Variants in CLMN observed in about 807,000 individuals in gnomAD.
The protein encoded by CLMN is calmin, also known as calmin (calponin-like, transmembrane).
In CLMN, 57 loss-of-function variants were observed where a neutral mutation model predicts 92.7. The ratio of observed to expected loss-of-function variants is 0.61; its 90% CI spans 0.50 to 0.77. The LOEUF (loss-of-function observed/expected upper bound fraction) is 0.77. Ranked by LOEUF, CLMN falls within the 30% of genes least tolerant of loss-of-function variation. The pLI is 0.00. For missense variants in CLMN, 1,158 were observed against 1,237.5 expected, an observed-to-expected ratio of 0.94 and a Z score of 0.96; for synonymous variants, 466 against 470.6, an observed-to-expected ratio of 0.99 and a Z score of 0.13.
At chr14:95,230,339 A>G (rs759644673) in intron 1 of CLMN, among the ~76,000 whole-genome samples, 4 of 152,218 alleles carry the variant, frequency 2.6e-5, no homozygotes, top group African/African-American at 7.2e-5. Context: ...CTGAGCATCT[A>G]TGTAAACCCA....
chr14:95,217,359 G>A (rs530786568), intron 4 of CLMN, among the ~76,000 whole-genome samples: 31 of 152,138 alleles, frequency 2.0e-4, no homozygotes, highest in African/African-American at 7.2e-4. Context: ...ATGGGTTTCC[G>A]ACAACACCAA....
At chr14:95,267,699 C>T (rs1899531065) in intron 1 of CLMN, among the ~76,000 whole-genome samples, 1 of 152,118 alleles carries the variant, frequency 6.6e-6, no homozygotes, top group Non-Finnish European at 1.5e-5. Flanking sequence ...GAAGTCAATA[C>T]ATCAAAGAAA....
intron 1 of CLMN, among the ~76,000 whole-genome samples, chr14:95,273,953 C>T (rs1183603190): frequency 2.6e-5 from 4 of 152,234 alleles, no homozygotes; most frequent in East Asian, 1.9e-4. Flanking sequence ...AAACTCACAA[C>T]GCTGGGTCAC....
chr14:95,314,035 G>A (rs1034198461), intron 1 of CLMN, among the ~76,000 whole-genome samples: 4 of 152,202 alleles, frequency 2.6e-5, no homozygotes, highest in Admixed American at 6.5e-5. Context: ...ATTCTGTGGC[G>A]AAACTTCTTC....
chr14:95,258,706 G>A (rs1197974118), intron 1 of CLMN, among the ~76,000 whole-genome samples: 1 of 144,508 alleles, frequency 6.9e-6, no homozygotes, highest in African/African-American at 2.6e-5. Context: ...GTGTGTGGAG[G>A]GTGTGTTTGT....
intron 1 of CLMN, among the ~76,000 whole-genome samples, chr14:95,260,285 C>CA (rs891111546): frequency 1.3e-5 from 2 of 151,864 alleles, no homozygotes; most frequent in Non-Finnish European, 2.9e-5. Flanking sequence ...ACTAAAAATA[C>CA]AAAAAAATTA....
At position 95,194,498 on chromosome 14, in the gene CLMN, A is replaced by G. The variant is rs1167468263; in HGVS notation, c.2769+38T>C. 3 of 1,613,920 alleles carry G rather than the reference A, an allele frequency of 1.9e-6. No homozygotes were observed. Among genetic ancestry groups the G allele is most frequent in the Admixed American group, 3.3e-5 (2 of 60,018 alleles). On this transcript the variant is annotated intron_variant, in intron 11 of 12. Coordinates refer to ENST00000298912, the MANE Select transcript of CLMN (RefSeq NM_024734.4). This position sits in a 1 kb window ranked among gnomAD's most constrained non-coding sequence, Gnocchi z 4.0. ...GAAGGATGGAAAGGAATTGATTAGC[A>G]GGGGCCGTGCGGAAAGAGAAGAAAT...
chr14:95,211,622 C>A (rs1897198882), intron 6 of CLMN, among the ~76,000 whole-genome samples: 2 of 150,246 alleles, frequency 1.3e-5, no homozygotes, highest in Non-Finnish European at 3.0e-5. Context: ...CTCCACCAAT[C>A]TCTCAACCGT....
At chr14:95,306,847 A>G (rs1901300993) in intron 1 of CLMN, among the ~76,000 whole-genome samples, 2 of 152,232 alleles carry the variant, frequency 1.3e-5, no homozygotes, top group Admixed American at 1.3e-4. Flanking sequence ...ATTTGAGGTT[A>G]AAGGAGGTAA....
chr14:95,225,363 A>G (rs1897677780), intron 2 of CLMN, among the ~76,000 whole-genome samples: 1 of 152,188 alleles, frequency 6.6e-6, no homozygotes, highest in African/African-American at 2.4e-5. Flanking sequence ...GCACACTTGC[A>G]CAAAGATAGT....
chr14:95,264,254 G>C (rs568836842), intron 1 of CLMN, among the ~76,000 whole-genome samples: 242 of 152,160 alleles, frequency 1.6e-3, no homozygotes, highest in Non-Finnish European at 2.7e-3. Flanking sequence ...TGCCCAGGCT[G>C]GAACTCCTGG....
rs1555393529 is a variant in CLMN at position 95,276,957 on chromosome 14, T to TG, written c.82+42753dup. On this transcript the variant is annotated intron_variant, in intron 1 of 12. Coordinates refer to ENST00000298912, the MANE Select transcript of CLMN (RefSeq NM_024734.4). ...AAGTGAAAAAGATGATTTTTTTTTT[T>TG]GGGTAACATGGCTTGGCCCCCCCAT... is the stretch of plus-strand genomic sequence containing the variant. 1.4e-3 allele frequency among the ~76,000 whole-genome samples: 210 copies of TG among 151,124 alleles called. 1 individual carries two copies. The highest frequency in any genetic ancestry group is 4.6e-3 in the African/African-American group (191 of 41,088).
chr14:95,212,157 A>G (rs192177618), intron 6 of CLMN, among the ~76,000 whole-genome samples: 249 of 152,368 alleles, frequency 1.6e-3, no homozygotes, highest in African/African-American at 5.8e-3. Flanking sequence ...CAGGGGATAA[A>G]GGAATCAATA....
chr14:95,193,813 T>G, intron 12 of CLMN, 36 bp downstream of exon 12: 3 of 1,610,866 alleles, frequency 1.9e-6, no homozygotes, highest in Non-Finnish European at 2.5e-6. Flanking sequence ...AACATTTTAT[T>G]ACTACCCCCA....
chr14:95,278,258 G>A (rs904756361), intron 1 of CLMN, among the ~76,000 whole-genome samples: 1 of 152,218 alleles, frequency 6.6e-6, no homozygotes, highest in African/African-American at 2.4e-5. Flanking sequence ...CCTGGCTAGA[G>A]TTTGGGAATA....
At chr14:95,208,184 T>C (rs1450270769) in intron 8 of CLMN, among the ~76,000 whole-genome samples, 1 of 152,206 alleles carries the variant, frequency 6.6e-6, no homozygotes, top group Admixed American at 6.5e-5. Context: ...GTTACGTTTT[T>C]GCTCACTTAT....
chr14:95,204,287 G>A lies in CLMN; in HGVS notation c.1062C>T (p.Asp354=). 6.2e-7 allele frequency: 1 copy of A among 1,614,150 alleles called. No homozygotes were observed. The highest frequency in any genetic ancestry group is 8.5e-7 in the Non-Finnish European group (1 of 1,180,038). The change falls in exon 9 of 13, where the codon GAC becomes GAT. Residue 354 remains aspartate, a synonymous_variant. Transcript: ENST00000298912. ...GGAATTCCTTCATGCTCTCGGGCTT[G>A]TCACAGACAAAGACTTTGGAGGGTG... is the stretch of plus-strand genomic sequence containing the variant. ...HPPPSKVFVC[D]KPESMKEFRL...
At chr14:95,242,491 C>T (rs1393334133) in intron 1 of CLMN, among the ~76,000 whole-genome samples, 3 of 151,974 alleles carry the variant, frequency 2.0e-5, no homozygotes, top group African/African-American at 7.2e-5. Flanking sequence ...AGCTCCTGAC[C>T]TCAAGTGATC....
Position 95,201,566 on chromosome 14 carries a change from C to CTT in CLMN, c.2511+1270_2511+1271dup, listed in dbSNP as rs57205690. 2.1e-4 allele frequency among the ~76,000 whole-genome samples: 30 copies of CTT among 139,660 alleles called. No homozygotes were observed. In the East Asian group the frequency reaches 2.7e-3, roughly 12 times the overall value. The allele number at this position is 139,660 out of a possible 152,430, so 91.6% of individuals were successfully genotyped here. ...TTCTTCCTTTATTGGCTTTTTTTTC[C>CTT]TTTTTTTTTTTTTTTATTTTACTTT... On this transcript the variant is annotated intron_variant, in intron 9 of 12. Transcript: ENST00000298912.
Sources: allele counts gnomAD v4.1 joint callset (sites outside exome capture counted in the v4.1 genomes callset), GRCh38; gene constraint gnomAD v4.1.1; non-coding constraint Gnocchi (gnomAD v3.1); transcripts MANE v1.5; gene names NCBI Gene and HGNC (gene_info 2026-07-23, HGNC 2026-07-21).